CFTR: variants seen among roughly 807,000 people sequenced by gnomAD.
CFTR encodes the protein cystic fibrosis transmembrane conductance regulator.
A neutral mutation model predicts 171.6 loss-of-function variants in CFTR; 181 were observed. The ratio of observed to expected loss-of-function variants is 1.05; its 90% CI spans 0.93 to 1.19. The LOEUF (loss-of-function observed/expected upper bound fraction) is 1.19, where lower values mean the gene tolerates loss of function less well. Among genes scored for constraint, CFTR ranks in the 50% most tolerant of loss-of-function variants. The probability of loss-of-function intolerance (pLI) is 0.00; values close to 1 mark genes in which losing one functional copy is unlikely to be tolerated. For missense variants in CFTR, 1,968 were observed against 1,734.7 expected (o/e 1.13, Z -2.39); for synonymous variants, 583 against 608.0 (o/e 0.96, Z 0.60).
chr7:117,641,254 T>A (rs1792906656), intron 22 of CFTR, among the ~76,000 whole-genome samples: 1 of 152,160 alleles, frequency 6.6e-6, no homozygotes, highest in African/African-American at 2.4e-5. Flanking sequence ...TTATTAAGGG[T>A]TGTTATGTAC....
intron 21 of CFTR, among the ~76,000 whole-genome samples, chr7:117,625,015 T>C (rs1792631106): frequency 6.6e-6 from 1 of 152,170 alleles, no homozygotes; most frequent in African/African-American, 2.4e-5. Context: ...TTCATAATGT[T>C]AGCTGTCCAC....
intron 3 of CFTR, among the ~76,000 whole-genome samples, chr7:117,517,689 C>A (rs1729278917): frequency 6.6e-6 from 1 of 152,162 alleles, no homozygotes; most frequent in Admixed American, 6.5e-5. Context: ...TAGAAGCATT[C>A]CTATTTCTCC....
chr7:117,623,392 G>C, intron 21 of CFTR, among the ~76,000 whole-genome samples: 1 of 152,180 alleles, frequency 6.6e-6, no homozygotes, highest in East Asian at 1.9e-4. Context: ...CAGCAGGCTG[G>C]GGTTAAGGAG....
chr7:117,627,910 A>T (rs958922322), intron 22 of CFTR, 140 bp downstream of exon 22: 2 of 848,128 alleles, frequency 2.4e-6, no homozygotes, highest in East Asian at 2.6e-5. Context: ...ATGTTTTATT[A>T]TATGGAGTCA....
chr7:117,666,068 C>A (rs143076443), intron 26 of CFTR, among the ~76,000 whole-genome samples: 16 of 152,266 alleles, frequency 1.1e-4, no homozygotes, highest in African/African-American at 3.4e-4. Flanking sequence ...CTTAAAAAAA[C>A]TGTCACATGG....
chr7:117,535,472 T>C, intron 6 of CFTR, 61 bp downstream of exon 6: 2 of 1,495,676 alleles, frequency 1.3e-6, no homozygotes, highest in Non-Finnish European at 1.9e-6. Flanking sequence ...AAGCCCACTT[T>C]AGTAAAACCA....
At chr7:117,608,128 T>C (rs113794765) in intron 18 of CFTR, among the ~76,000 whole-genome samples, 3 of 152,332 alleles carry the variant, frequency 2.0e-5, no homozygotes, top group African/African-American at 7.2e-5. Context: ...TAAATAGTCA[T>C]TTTATAAATT....
intron 1 of CFTR, among the ~76,000 whole-genome samples, chr7:117,490,740 A>G (rs1798147850): frequency 6.6e-6 from 1 of 152,108 alleles, no homozygotes. Flanking sequence ...AAGCACTGTT[A>G]TCAGCAACAA....
intron 22 of CFTR, among the ~76,000 whole-genome samples, chr7:117,633,944 T>G (rs74614761): frequency 2.9e-4 from 44 of 152,202 alleles, no homozygotes; most frequent in Non-Finnish European, 6.2e-4. Flanking sequence ...TGAAAAAATA[T>G]TGGTGTGTAG....
At chr7:117,590,569 T>C (rs1449193346) in intron 13 of CFTR, 130 bp downstream of exon 13, 2 of 1,170,604 alleles carry the variant, frequency 1.7e-6, no homozygotes, top group East Asian at 2.6e-5. Context: ...GAATGTAGCA[T>C]GGTATTAACT....
At chr7:117,488,194 T>C (rs1798103484) in intron 1 of CFTR, among the ~76,000 whole-genome samples, 1 of 152,170 alleles carries the variant, frequency 6.6e-6, no homozygotes, top group South Asian at 2.1e-4. Context: ...ATGGCTGTGT[T>C]TCAATTAAAC....
chr7:117,647,724 T>C (rs1378392886), intron 23 of CFTR, among the ~76,000 whole-genome samples: 1 of 151,550 alleles, frequency 6.6e-6, no homozygotes, highest in East Asian at 1.9e-4. Flanking sequence ...TCTTACTATG[T>C]TCTACAGGCT....
At chr7:117,487,745 G>A (rs1487890672) in intron 1 of CFTR, 1 of 152,058 alleles carries the variant, frequency 6.6e-6, no homozygotes, top group Non-Finnish European at 1.5e-5. Flanking sequence ...GCCTAGTGAA[G>A]GCTTAATAAT....
At chr7:117,499,700 A>G (rs886578254) in intron 1 of CFTR, among the ~76,000 whole-genome samples, 1 of 151,660 alleles carries the variant, frequency 6.6e-6, no homozygotes, top group Non-Finnish European at 1.5e-5. Context: ...TCATGCCTGT[A>G]ATTCCAGGAC....
intron 1 of CFTR, among the ~76,000 whole-genome samples, chr7:117,503,976 T>C (rs1329601485): frequency 6.6e-6 from 1 of 152,168 alleles, no homozygotes; most frequent in Non-Finnish European, 1.5e-5. Flanking sequence ...ATATGGAATG[T>C]TTAGCAGTTT....
At chr7:117,613,542 G>C (rs1249459796) in intron 20 of CFTR, among the ~76,000 whole-genome samples, 1 of 152,058 alleles carries the variant, frequency 6.6e-6, no homozygotes, top group East Asian at 1.9e-4. Context: ...AAAACACTTA[G>C]TATAGTGCCT....
At chr7:117,497,398 G>A (rs1182638115) in intron 1 of CFTR, among the ~76,000 whole-genome samples, 1 of 152,164 alleles carries the variant, frequency 6.6e-6, no homozygotes, top group Non-Finnish European at 1.5e-5. Flanking sequence ...ATATGAAGAA[G>A]CATGTAATAA....
chr7:117,504,557 C>A (rs1339406424), intron 2 of CFTR, among the ~76,000 whole-genome samples, 194 bp downstream of exon 2: 1 of 151,858 alleles, frequency 6.6e-6, no homozygotes, highest in East Asian at 1.9e-4. Flanking sequence ...AGTTTGATAC[C>A]AGCCTGGGCA....
At chr7:117,591,901 A>G (rs760108464) in intron 13 of CFTR, 33 bp from the exon 14 acceptor site, 7 of 1,362,196 alleles carry the variant, frequency 5.1e-6, no homozygotes, top group Non-Finnish European at 7.1e-6. Flanking sequence ...AGTATTTATA[A>G]AATTGATATT....
Sources: allele counts gnomAD v4.1 joint callset (sites outside exome capture counted in the v4.1 genomes callset), GRCh38; gene constraint gnomAD v4.1.1; transcripts MANE v1.5; gene names NCBI Gene and HGNC (gene_info 2026-07-23, HGNC 2026-07-21).